MRAP2: variants seen among roughly 807,000 people sequenced by gnomAD.
MRAP2 encodes the protein melanocortin-2 receptor accessory protein 2.
A neutral mutation model predicts 17.4 loss-of-function variants in MRAP2; 20 were observed. That is an observed-to-expected ratio of 1.15 (90% CI 0.81 to 1.67). MRAP2 has a LOEUF of 1.67. MRAP2 is among the 40% of genes most tolerant of loss of function. The pLI, the probability that MRAP2 is intolerant of heterozygous loss-of-function variation, is 0.00. For synonymous variants in MRAP2, 96 were observed against 88.4 expected (o/e 1.09, Z -0.48); for missense variants, 238 against 240.0 (o/e 0.99, Z 0.05).
intron 1 of MRAP2, among the ~76,000 whole-genome samples, chr6:84,041,616 G>A (rs1429256740): frequency 6.6e-6 from 1 of 152,260 alleles, no homozygotes; most frequent in Non-Finnish European, 1.5e-5. Flanking sequence ...TCTTGCATAA[G>A]CATGACCTGA....
chr6:84,104,229 G>A, the MRAP2 span, among the ~76,000 whole-genome samples: 2 of 152,150 alleles, frequency 1.3e-5, no homozygotes, highest in Admixed American at 6.5e-5. Context: ...CTGGAATGCA[G>A]GGCACCAAGT....
At chr6:84,141,556 T>C in the MRAP2 span, among the ~76,000 whole-genome samples, 1 of 152,142 alleles carries the variant, frequency 6.6e-6, no homozygotes, top group Non-Finnish European at 1.5e-5. Flanking sequence ...TCTGAACAAA[T>C]TCCTTTAATC....
At chr6:84,108,532 A>AT in the MRAP2 span, among the ~76,000 whole-genome samples, 2 of 150,362 alleles carry the variant, frequency 1.3e-5, no homozygotes, top group Admixed American at 1.3e-4. Flanking sequence ...GGGGTTGTTT[A>AT]TTTTTTTCTA....
chr6:84,119,607 C>T, the MRAP2 span, among the ~76,000 whole-genome samples: 1 of 152,182 alleles, frequency 6.6e-6, no homozygotes, highest in East Asian at 1.9e-4. Context: ...ATGTTGTCCA[C>T]CAACATTAGG....
chr6:84,033,394 T>TG (rs112822319), upstream of MRAP2, among the ~76,000 whole-genome samples: 3,176 of 152,176 alleles, frequency 0.021, 97 homozygotes, highest in African/African-American at 0.065. Flanking sequence ...CAGCACATTA[T>TG]GGGGGGGCTC....
chr6:84,134,029 G>C, the MRAP2 span, among the ~76,000 whole-genome samples: 2 of 152,196 alleles, frequency 1.3e-5, no homozygotes, highest in African/African-American at 4.8e-5. Flanking sequence ...CCTGACTGGG[G>C]CTGCTGCCTT....
chr6:84,072,284 C>T (rs1046148311), intron 3 of MRAP2, among the ~76,000 whole-genome samples: 1 of 152,190 alleles, frequency 6.6e-6, no homozygotes, highest in Non-Finnish European at 1.5e-5. Flanking sequence ...GTGTAGTACT[C>T]TCCCCCTTTT....
the MRAP2 span, among the ~76,000 whole-genome samples, chr6:84,127,316 CAAT>C: frequency 2.1e-3 from 310 of 147,456 alleles, 1 homozygote; most frequent in Non-Finnish European, 3.4e-3. Context: ...CTATTAATAA[CAAT>C]AATACTAATA....
At chr6:84,076,304 A>G (rs1588653580) in intron 3 of MRAP2, among the ~76,000 whole-genome samples, 2 of 151,206 alleles carry the variant, frequency 1.3e-5, no homozygotes, top group East Asian at 1.9e-4. Context: ...GCTGACTGCA[A>G]CCTCCACCAC....
At chr6:84,064,543 A>T (rs978529619) in intron 3 of MRAP2, among the ~76,000 whole-genome samples, 3 of 152,078 alleles carry the variant, frequency 2.0e-5, no homozygotes, top group Non-Finnish European at 4.4e-5. Flanking sequence ...GCTGGAGTGC[A>T]GTGGCGCCAT....
In MRAP2 at chr6:84,089,767, A is replaced by G. The variant is rs950610888; in HGVS notation, c.*286A>G. 3 of 334,422 alleles carry G rather than the reference A, an allele frequency of 9.0e-6. No homozygotes were observed. Among genetic ancestry groups the G allele is most frequent in the Non-Finnish European group, 1.6e-5 (3 of 184,792 alleles). 20.7% of individuals were successfully genotyped at this position (334,422 alleles called of 1,614,324 possible). A position where few individuals can be genotyped will look rare whatever the true frequency, so the allele number is the denominator to read the frequency against. The stretch of plus-strand genomic sequence containing the variant: ...GGCATGTGTCCCAGGACAGCTTTGA[A>G]TGTGGCCCAATACAAATTTTAAACT... On this transcript the variant is annotated 3_prime_UTR_variant, in exon 4 of 4. Coordinates refer to ENST00000257776, the MANE Select transcript of MRAP2 (RefSeq NM_138409.4).
chr6:84,111,829 G>T, the MRAP2 span, among the ~76,000 whole-genome samples: 866 of 152,190 alleles, frequency 5.7e-3, 11 homozygotes, highest in African/African-American at 0.019. Context: ...GTTGAATTTT[G>T]TCGAAGGCCT....
At chr6:84,037,046 A>G (rs1458716822) in intron 1 of MRAP2, among the ~76,000 whole-genome samples, 1 of 152,142 alleles carries the variant, frequency 6.6e-6, no homozygotes, top group East Asian at 1.9e-4. Context: ...CGAGCTAGAC[A>G]AAGAGTGCTG....
At chr6:84,126,910 A>C in the MRAP2 span, among the ~76,000 whole-genome samples, 1 of 152,336 alleles carries the variant, frequency 6.6e-6, no homozygotes, top group South Asian at 2.1e-4. Context: ...GAAAGAGTTC[A>C]ATGAATATGT....
At chr6:84,088,122 A>G (rs1562893492) in intron 3 of MRAP2, among the ~76,000 whole-genome samples, 1 of 152,192 alleles carries the variant, frequency 6.6e-6, no homozygotes, top group Non-Finnish European at 1.5e-5. Flanking sequence ...AGGATTACAC[A>G]TCTGTTGAGC....
intron 1 of MRAP2, among the ~76,000 whole-genome samples, chr6:84,036,750 A>C (rs1206907647): frequency 6.6e-6 from 1 of 152,154 alleles, no homozygotes; most frequent in African/African-American, 2.4e-5. Context: ...TGATTGGTCT[A>C]CTTTACAGAG....
the MRAP2 span, among the ~76,000 whole-genome samples, chr6:84,143,591 A>G: frequency 3.9e-5 from 6 of 152,140 alleles, no homozygotes; most frequent in Non-Finnish European, 2.9e-5. Context: ...AGAACGAAGA[A>G]CAAAAAAATG....
At chr6:84,116,982 T>C in the MRAP2 span, among the ~76,000 whole-genome samples, 3 of 151,970 alleles carry the variant, frequency 2.0e-5, no homozygotes, top group Admixed American at 6.6e-5. Flanking sequence ...TTTTCTTCCC[T>C]TCTTCCCTTC....
chr6:84,057,288 C>G (rs2099491928), intron 2 of MRAP2, among the ~76,000 whole-genome samples: 1 of 152,190 alleles, frequency 6.6e-6, no homozygotes, highest in Non-Finnish European at 1.5e-5. Context: ...AAATTCAAAG[C>G]TAATTAGATG....
Sources: gnomAD v4.1 joint callset for allele counts (sites outside exome capture counted in the v4.1 genomes callset) on GRCh38, gnomAD v4.1.1 for gene constraint, MANE v1.5 for transcripts, NCBI Gene and HGNC (gene_info 2026-07-23, HGNC 2026-07-21) for gene names.